Variants in SPATA3 observed in about 807,000 individuals in gnomAD.
The protein encoded by SPATA3 is spermatogenesis associated 3, also known as spermatogenesis-associated protein 3.
In SPATA3, 6 loss-of-function variants were observed where a neutral mutation model predicts 5.7. That is an observed-to-expected ratio of 1.06 (90% CI 0.58 to 2.09). SPATA3 has a LOEUF of 2.09. Ranked by LOEUF, SPATA3 falls within the 30% of genes most tolerant of loss-of-function variation. The probability of loss-of-function intolerance (pLI) is 0.00; values close to 1 mark genes in which losing one functional copy is unlikely to be tolerated. For missense variants in SPATA3, 155 were observed against 130.4 expected, an observed-to-expected ratio of 1.19 and a Z score of -0.92; for synonymous variants, 44 against 48.4, an observed-to-expected ratio of 0.91 and a Z score of 0.37.
downstream of SPATA3, among the ~76,000 whole-genome samples, chr2:231,011,649 C>T (rs751226617): frequency 4.6e-5 from 7 of 151,632 alleles, no homozygotes; most frequent in Non-Finnish European, 1.0e-4. Context: ...CAGGCCATCC[C>T]GCAGTCACAG....
chr2:231,012,950 G>T lies in SPATA3; in HGVS notation c.*226+253G>T, dbSNP rs1692825406. ...AAACCACAACCCTGGGGCAAATCCA[G>T]TTCTCTGCCTCCTGCGCACTTGGAC... On this transcript the variant is annotated intron_variant, in intron 5 of 8. Transcript: ENST00000452881. Among the ~76,000 whole-genome samples, 4 of 152,204 alleles carry T rather than the reference G, an allele frequency of 2.6e-5. No individual in the cohort carries two copies. In the South Asian group the frequency reaches 8.3e-4, roughly 32 times the overall value.
chr2:231,017,943 T>C (rs1347960650), intron 6 of SPATA3, among the ~76,000 whole-genome samples: 1 of 151,530 alleles, frequency 6.6e-6, no homozygotes, highest in African/African-American at 2.4e-5. Flanking sequence ...TTTTTTCTTT[T>C]AGACAGGGTC....
downstream of SPATA3, among the ~76,000 whole-genome samples, chr2:231,008,299 G>T (rs1692692689): frequency 6.6e-6 from 1 of 152,234 alleles, no homozygotes; most frequent in African/African-American, 2.4e-5. Flanking sequence ...AAGTGCAGAT[G>T]CGAGGTTTAG....
downstream of SPATA3, among the ~76,000 whole-genome samples, chr2:231,011,449 C>G (rs918739419): frequency 6.6e-6 from 1 of 152,144 alleles, no homozygotes; most frequent in Non-Finnish European, 1.5e-5. Context: ...AGTGATCCAT[C>G]GAAGTGCAGA....
At chr2:231,002,863 G>C (rs2271372), downstream of SPATA3, 28,831 of 982,884 alleles carry the variant, frequency 0.029, 1,181 homozygotes, top group South Asian at 0.16. Context: ...AATGGAGGTG[G>C]TCTCTTCAGG....
At chr2:231,008,843 G>A (rs991127152), downstream of SPATA3, among the ~76,000 whole-genome samples, 1 of 152,206 alleles carries the variant, frequency 6.6e-6, no homozygotes, top group African/African-American at 2.4e-5. Flanking sequence ...TGCTCCAGGG[G>A]CACAGGCCAT....
At chr2:231,016,142 G>C (rs1173541602) in intron 6 of SPATA3, among the ~76,000 whole-genome samples, 1 of 152,028 alleles carries the variant, frequency 6.6e-6, no homozygotes, top group Non-Finnish European at 1.5e-5. Context: ...TGGGTGACTG[G>C]GGACTCACAA....
chr2:231,014,614 G>GC (rs1190278804), intron 6 of SPATA3, among the ~76,000 whole-genome samples: 2 of 152,106 alleles, frequency 1.3e-5, no homozygotes, highest in Non-Finnish European at 2.9e-5. Context: ...AATCCCAGGT[G>GC]CAAGATTGGG....
chr2:231,011,095 G>GAA (rs1335195672), downstream of SPATA3, among the ~76,000 whole-genome samples: 1 of 84,526 alleles, frequency 1.2e-5, no homozygotes, highest in Non-Finnish European at 2.2e-5. Context: ...AAAAAGAAAA[G>GAA]AAAAAGAAAG....
At chr2:231,017,793 G>A (rs1692970052) in intron 6 of SPATA3, among the ~76,000 whole-genome samples, 1 of 152,186 alleles carries the variant, frequency 6.6e-6, no homozygotes, top group Non-Finnish European at 1.5e-5. Context: ...TGAATCTGTA[G>A]TAGAAATCTA....
chr2:231,018,294 A>G (rs1337604801), intron 6 of SPATA3, among the ~76,000 whole-genome samples: 1 of 152,136 alleles, frequency 6.6e-6, no homozygotes, highest in African/African-American at 2.4e-5. Context: ...AAGTTTGTCA[A>G]CACACTGGAC....
downstream of SPATA3, among the ~76,000 whole-genome samples, chr2:231,005,391 T>A (rs1462527747): frequency 2.1e-5 from 1 of 47,712 alleles, no homozygotes; most frequent in South Asian, 7.6e-4. Flanking sequence ...ACCACCACCA[T>A]CATCACCACC....
At chr2:231,000,375 T>C (rs2271376) in exon 2 of SPATA3, 623,625 of 1,507,338 alleles carry the variant, frequency 0.41, 130,348 homozygotes, top group South Asian at 0.5. Context: ...GGGCCTCTGA[T>C]TCGCGCCGGC....
downstream of SPATA3, among the ~76,000 whole-genome samples, chr2:231,009,268 T>G (rs1056547576): frequency 2.0e-4 from 31 of 152,160 alleles, 1 homozygote; most frequent in Admixed American, 2.0e-3. Context: ...CTTCTCCCCG[T>G]TTTCCTCCAC....
At chr2:230,996,196 C>G (rs753920653) in intron 1 of SPATA3, 3 of 1,528,664 alleles carry the variant, frequency 2.0e-6, no homozygotes, top group Admixed American at 2.0e-5. Flanking sequence ...GATTACGCAG[C>G]TCCATGTAGG....
At chr2:230,996,148 G>T in intron 1 of SPATA3, 1 of 1,415,428 alleles carries the variant, frequency 7.1e-7, no homozygotes, top group South Asian at 1.4e-5. Flanking sequence ...AGGCTCCTAG[G>T]GCAGAGGGCA....
chr2:231,011,072 C>CAAAAAAAA (rs556496371), downstream of SPATA3, among the ~76,000 whole-genome samples: 378 of 79,784 alleles, frequency 4.7e-3, 20 homozygotes, highest in African/African-American at 0.019. Context: ...GACCCTGTCT[C>CAAAAAAAA]AAAAAAAAAA....
chr2:231,009,567 C>CA (rs1324761954), downstream of SPATA3, among the ~76,000 whole-genome samples: 3 of 152,240 alleles, frequency 2.0e-5, no homozygotes, highest in African/African-American at 7.2e-5. Flanking sequence ...CAGTCACTGT[C>CA]ACCTGGGCTC....
At chr2:231,018,693 T>A (rs902300593) in intron 6 of SPATA3, among the ~76,000 whole-genome samples, 1 of 152,136 alleles carries the variant, frequency 6.6e-6, no homozygotes, top group East Asian at 1.9e-4. Context: ...GTTTTTCTTT[T>A]TTTTTTTGAG....
Sources: allele counts gnomAD v4.1 joint callset (sites outside exome capture counted in the v4.1 genomes callset), GRCh38; gene constraint gnomAD v4.1.1; transcripts MANE v1.5; gene names NCBI Gene and HGNC (gene_info 2026-07-23, HGNC 2026-07-21).